Variants in SPATA1 observed in about 807,000 individuals in gnomAD.
SPATA1 encodes the protein spermatogenesis-associated protein 1.
A neutral mutation model predicts 59.6 loss-of-function variants in SPATA1; 57 were observed. That is an observed-to-expected ratio of 0.96 (90% CI 0.77 to 1.19). SPATA1 has a LOEUF of 1.19. Ranked by LOEUF, SPATA1 falls within the 50% of genes most tolerant of loss-of-function variation. The probability of loss-of-function intolerance (pLI) is 0.00; values close to 1 mark genes in which losing one functional copy is unlikely to be tolerated. For missense variants in SPATA1, 448 were observed against 480.7 expected, an observed-to-expected ratio of 0.93 and a Z score of 0.64; for synonymous variants, 147 against 163.9, an observed-to-expected ratio of 0.90 and a Z score of 0.79.
intron 1 of SPATA1, chr1:84,507,244 CATT>C (rs1682303189): frequency 6.6e-6 from 1 of 152,142 alleles, no homozygotes; most frequent in Non-Finnish European, 1.5e-5. Context: ...ATAATTTTAT[CATT>C]AATGGATTTC....
intron 1 of SPATA1, among the ~76,000 whole-genome samples, chr1:84,512,958 T>C (rs1682635797): frequency 6.6e-6 from 1 of 152,256 alleles, no homozygotes; most frequent in Non-Finnish European, 1.5e-5. Context: ...TATTGAGATA[T>C]CAGTCTCCTT....
At position 84,532,272 on chromosome 1, in the gene SPATA1, T is replaced by C. The variant is rs1373081215; in HGVS notation, c.545-588T>C. Among the ~76,000 whole-genome samples the C allele has an allele frequency of 2.6e-5, 4 of 152,260 alleles. No individual in the cohort carries two copies. The East Asian group carries it at 7.7e-4, about 29-fold the overall frequency. ...GCACTTTGGGAGGCCAAGGTGGGCATATCACCTGAGGTCAGGAGTTCAAGA... is the reference window on the plus strand; with the variant it reads ...GCACTTTGGGAGGCCAAGGTGGGCACATCACCTGAGGTCAGGAGTTCAAGA... On this transcript the variant is annotated intron_variant, in intron 6 of 12. Transcript: ENST00000490879.
chr1:84,539,323 A>G (rs567504546), intron 8 of SPATA1, among the ~76,000 whole-genome samples: 59 of 152,374 alleles, frequency 3.9e-4, no homozygotes, highest in African/African-American at 1.4e-3. Flanking sequence ...GCACACACAA[A>G]CAAGAGAGGA....
At chr1:84,533,738 C>T in exon 8 of SPATA1, 1 of 1,565,484 alleles carries the variant, frequency 6.4e-7, no homozygotes, top group Admixed American at 1.9e-5. Context: ...GAAGATGATA[C>T]AGCTATCAGT....
chr1:84,546,534 A>C (rs545023474), intron 10 of SPATA1, among the ~76,000 whole-genome samples: 30 of 152,102 alleles, frequency 2.0e-4, no homozygotes, highest in African/African-American at 6.3e-4. Context: ...AGGAATACAA[A>C]GGGAGAACGC....
chr1:84,545,580 T>C (rs1006028295), intron 9 of SPATA1, 54 bp from the exon 10 acceptor site: 9 of 1,462,660 alleles, frequency 6.2e-6, no homozygotes, highest in Non-Finnish European at 2.7e-6. Flanking sequence ...TTTTAGGATA[T>C]GAGCCATCTT....
intron 8 of SPATA1, among the ~76,000 whole-genome samples, chr1:84,537,538 T>C (rs1683746671): frequency 6.6e-6 from 1 of 152,160 alleles, no homozygotes; most frequent in South Asian, 2.1e-4. Flanking sequence ...ACTTATTGAG[T>C]GAAGGGGAGG....
exon 5 of SPATA1, chr1:84,566,140 T>G: frequency 4.4e-6 from 2 of 455,666 alleles, no homozygotes. Context: ...AGTATATGAA[T>G]GTAGGGTTTG....
chr1:84,565,820 T>C, intron 4 of SPATA1, 41 bp from the exon 14 acceptor site: 2 of 1,309,832 alleles, frequency 1.5e-6, no homozygotes, highest in Non-Finnish European at 2.0e-6. Context: ...TATTAATAAA[T>C]GACCATGTTT....
At chr1:84,549,022 A>G (rs1039223853) in intron 11 of SPATA1, 58 bp downstream of exon 11, 24 of 1,443,242 alleles carry the variant, frequency 1.7e-5, no homozygotes, top group African/African-American at 2.9e-5. Context: ...CACATGCTTT[A>G]TAAGTGCTAG....
intron 1 of SPATA1, among the ~76,000 whole-genome samples, chr1:84,514,819 A>G (rs142099442): frequency 0.012 from 1,805 of 152,162 alleles, 49 homozygotes; most frequent in African/African-American, 0.041. Flanking sequence ...AAAAATACAA[A>G]AATTAACTGG....
At chr1:84,565,918 A>G (rs143978482) in exon 5 of SPATA1, 9 of 1,602,370 alleles carry the variant, frequency 5.6e-6, no homozygotes, top group Non-Finnish European at 7.7e-6. Flanking sequence ...ATCATAAGAC[A>G]TCACAAAGAG....
intron 12 of SPATA1, chr1:84,551,378 TAAAA>T: frequency 8.1e-6 from 6 of 737,878 alleles, no homozygotes; most frequent in Non-Finnish European, 8.3e-6. Context: ...TAAAAATAAA[TAAAA>T]TTTAAAAATA....
At chr1:84,525,323 T>C (rs1463301971) in intron 4 of SPATA1, among the ~76,000 whole-genome samples, 1 of 152,226 alleles carries the variant, frequency 6.6e-6, no homozygotes, top group Non-Finnish European at 1.5e-5. Context: ...GGGTTGAATA[T>C]GTAGGAAATA....
intron 4 of SPATA1, 43 bp downstream of exon 4, chr1:84,522,550 C>T (rs370534475): frequency 2.0e-6 from 2 of 1,020,294 alleles, no homozygotes; most frequent in Non-Finnish European, 2.8e-6. Flanking sequence ...AAAGACCATA[C>T]CTTCTCAAAT....
downstream of SPATA1, among the ~76,000 whole-genome samples, chr1:84,556,709 T>TTA (rs1570465125): frequency 1.7e-5 from 1 of 57,770 alleles, no homozygotes; most frequent in African/African-American, 1.3e-4. Context: ...AGACTCCGTC[T>TTA]CAAAAAAAAA....
At chr1:84,562,884 G>C (rs1039012784) in intron 4 of SPATA1, among the ~76,000 whole-genome samples, 1 of 152,038 alleles carries the variant, frequency 6.6e-6, no homozygotes, top group African/African-American at 2.4e-5. Flanking sequence ...GAATCTGTAG[G>C]CCACTTTGAA....
chr1:84,562,035 A>T (rs1454829402), intron 4 of SPATA1, among the ~76,000 whole-genome samples: 1 of 152,194 alleles, frequency 6.6e-6, no homozygotes, highest in Non-Finnish European at 1.5e-5. Flanking sequence ...CTTTTAACAA[A>T]CCATATCCAT....
At chr1:84,522,102 T>C (rs964708921) in intron 3 of SPATA1, among the ~76,000 whole-genome samples, 1 of 152,200 alleles carries the variant, frequency 6.6e-6, no homozygotes, top group African/African-American at 2.4e-5. Context: ...AACAATAAAA[T>C]TTGGAAGTAA....
Sources: gnomAD v4.1 joint callset for allele counts (sites outside exome capture counted in the v4.1 genomes callset) on GRCh38, gnomAD v4.1.1 for gene constraint, MANE v1.5 for transcripts, NCBI Gene and HGNC (gene_info 2026-07-23, HGNC 2026-07-21) for gene names.